EHMT1: variants seen among roughly 807,000 people sequenced by gnomAD.
EHMT1 encodes histone-lysine N-methyltransferase EHMT1.
A neutral mutation model predicts 147.2 loss-of-function variants in EHMT1; 15 were observed. That is an observed-to-expected ratio of 0.10 (90% CI 0.07 to 0.16). EHMT1 has a LOEUF of 0.16. Among genes scored for constraint, EHMT1 ranks in the 10% least tolerant of loss-of-function variants. The pLI, the probability that EHMT1 is intolerant of heterozygous loss-of-function variation, is 1.00. For missense variants in EHMT1, 1,587 were observed against 1,772.4 expected (o/e 0.90, Z 1.88); for synonymous variants, 795 against 709.6 (o/e 1.12, Z -1.91).
rs180672198 is a variant in EHMT1, at chr9:137,811,996, T to C, written c.2867+381T>C. On this transcript the variant is annotated intron_variant, in intron 19 of 26. Transcript: ENST00000460843. Reference sequence around the variant, plus strand: ...GAGCAGTGCCACCCACAGCCAGGGCTGGAGTTGCTGGGGGCTGTGGCACTC... The same window carrying C: ...GAGCAGTGCCACCCACAGCCAGGGCCGGAGTTGCTGGGGGCTGTGGCACTC... Among the ~76,000 whole-genome samples, 22 of 152,238 alleles carry C rather than the reference T, an allele frequency of 1.4e-4. No homozygotes were observed. The East Asian group carries it at 3.7e-3, about 25-fold the overall frequency.
intron 6 of EHMT1, chr9:137,745,448 T>G (rs1948461739): frequency 5.0e-6 from 2 of 398,602 alleles, no homozygotes; most frequent in Non-Finnish European, 8.8e-6. Flanking sequence ...AGATAATTAT[T>G]AGTTTTTTCT....
intron 10 of EHMT1, among the ~76,000 whole-genome samples, chr9:137,770,232 C>G (rs889504653): frequency 6.6e-6 from 1 of 152,126 alleles, no homozygotes; most frequent in African/African-American, 2.4e-5. Context: ...CTCTTCAATG[C>G]CCTCCTCTTT....
At chr9:137,821,310 C>G (rs1372901344) in intron 25 of EHMT1, among the ~76,000 whole-genome samples, 2 of 143,082 alleles carry the variant, frequency 1.4e-5, no homozygotes, top group Non-Finnish European at 3.0e-5. Context: ...TGAGCCACTG[C>G]GCCCGGCCTT....
intron 19 of EHMT1, among the ~76,000 whole-genome samples, chr9:137,812,294 GCGA>G (rs1273865675): frequency 6.6e-6 from 1 of 152,226 alleles, no homozygotes; most frequent in African/African-American, 2.4e-5. Context: ...AGTGGAGATT[GCGA>G]CGCTACACTC....
intron 23 of EHMT1, chr9:137,816,732 C>G: frequency 6.1e-6 from 1 of 164,420 alleles, no homozygotes; most frequent in East Asian, 1.7e-4. Context: ...ATAGTATTGA[C>G]TTTTTTGTGA....
At chr9:137,718,760 C>CTTTTTTTTTTTT (rs780405612) in intron 3 of EHMT1, among the ~76,000 whole-genome samples, 1 of 136,304 alleles carries the variant, frequency 7.3e-6, no homozygotes. Flanking sequence ...TTTTCTTTTT[C>CTTTTTTTTTTTT]TTTTTTTTTT....
chr9:137,830,674 G>A (rs1372275102), intron 25 of EHMT1, among the ~76,000 whole-genome samples: 1 of 152,182 alleles, frequency 6.6e-6, no homozygotes, highest in Non-Finnish European at 1.5e-5. Flanking sequence ...ATGGAAGCTG[G>A]GCCCAGTCTT....
intron 18 of EHMT1, among the ~76,000 whole-genome samples, chr9:137,809,534 C>T (rs1242341275): frequency 2.0e-5 from 3 of 152,314 alleles, no homozygotes; most frequent in East Asian, 1.9e-4. Flanking sequence ...CGCAGCAAAG[C>T]GGTCAGTCAG....
chr9:137,625,500 G>A (rs1430943928), intron 1 of EHMT1, among the ~76,000 whole-genome samples: 1 of 151,948 alleles, frequency 6.6e-6, no homozygotes, highest in Non-Finnish European at 1.5e-5. Flanking sequence ...ACCATGCCTG[G>A]CTAATTTTTG....
At chr9:137,825,059 G>A (rs996753645) in intron 25 of EHMT1, among the ~76,000 whole-genome samples, 2 of 152,202 alleles carry the variant, frequency 1.3e-5, no homozygotes, top group African/African-American at 2.4e-5. Context: ...TGCTCCCTGG[G>A]TTGTCAGAAT....
intron 4 of EHMT1, among the ~76,000 whole-genome samples, chr9:137,730,581 G>A (rs914399514): frequency 6.6e-5 from 10 of 152,146 alleles, no homozygotes; most frequent in Admixed American, 5.2e-4. Context: ...GTGGGCCACC[G>A]CCCCCAGCCT....
At chr9:137,674,575 C>G (rs1002110866) in intron 1 of EHMT1, among the ~76,000 whole-genome samples, 13 of 152,222 alleles carry the variant, frequency 8.5e-5, no homozygotes, top group Admixed American at 2.0e-4. Context: ...CTCCTGCAGT[C>G]TGCCTACGAT....
At chr9:137,799,156 C>G (rs543305995) in intron 17 of EHMT1, among the ~76,000 whole-genome samples, 2 of 152,186 alleles carry the variant, frequency 1.3e-5, no homozygotes, top group Non-Finnish European at 2.9e-5. Flanking sequence ...AGGGCCAGCT[C>G]GGACCCTCCA....
intron 1 of EHMT1, among the ~76,000 whole-genome samples, chr9:137,708,711 G>C (rs1187859956): frequency 6.6e-6 from 1 of 152,134 alleles, no homozygotes; most frequent in East Asian, 1.9e-4. Flanking sequence ...TTTCTTTGAG[G>C]CTCACTCTGT....
intron 4 of EHMT1, chr9:137,738,551 A>G (rs1313398142): frequency 6.6e-6 from 1 of 152,162 alleles, no homozygotes; most frequent in Non-Finnish European, 1.5e-5. Flanking sequence ...CACGTGCCCC[A>G]GCAGCACTGA....
intron 15 of EHMT1, among the ~76,000 whole-genome samples, chr9:137,783,886 T>C (rs1388613953): frequency 6.6e-6 from 1 of 152,262 alleles, no homozygotes; most frequent in African/African-American, 2.4e-5. Flanking sequence ...TCTGACCTTT[T>C]CCCTCGTTTT....
At chr9:137,762,569 C>G in intron 9 of EHMT1, 106 bp from the exon 10 acceptor site, 1 of 1,574,314 alleles carries the variant, frequency 6.4e-7, no homozygotes, top group Non-Finnish European at 8.6e-7. Flanking sequence ...GCATTGCTTT[C>G]ATTTCCTGGC....
chr9:137,795,429 TCTCA>T (rs963695493), intron 16 of EHMT1, among the ~76,000 whole-genome samples: 7 of 19,576 alleles, frequency 3.6e-4, no homozygotes, highest in Non-Finnish European at 1.9e-3. Context: ...ACACACACAC[TCTCA>T]CACTCACATA....
At chr9:137,733,309 G>A (rs1366311909) in intron 4 of EHMT1, among the ~76,000 whole-genome samples, 1 of 152,196 alleles carries the variant, frequency 6.6e-6, no homozygotes, top group African/African-American at 2.4e-5. Context: ...AGCTTGTTCT[G>A]TATCTTTCCC....
Sources: allele counts gnomAD v4.1 joint callset (sites outside exome capture counted in the v4.1 genomes callset), GRCh38; gene constraint gnomAD v4.1.1; transcripts MANE v1.5; gene names NCBI Gene and HGNC (gene_info 2026-07-23, HGNC 2026-07-21).